CDC42BPA: variants seen among roughly 807,000 people sequenced by gnomAD.
CDC42BPA encodes serine/threonine-protein kinase MRCK alpha.
A neutral mutation model predicts 223.5 loss-of-function variants in CDC42BPA; 80 were observed. The observed-to-expected ratio is 0.36, with a 90% CI of 0.30 to 0.43. The LOEUF (loss-of-function observed/expected upper bound fraction) is 0.43, where lower values mean the gene tolerates loss of function less well. Ranked by LOEUF, CDC42BPA falls within the 20% of genes least tolerant of loss-of-function variation. CDC42BPA has a pLI of 1.00. For missense variants in CDC42BPA, 1,743 were observed against 2,099.9 expected (o/e 0.83, Z 3.32); for synonymous variants, 694 against 718.6 (o/e 0.97, Z 0.55).
rs181303072 is a variant in CDC42BPA, at chr1:227,241,091, T to C, written c.270+12973A>G. ...CAAAGGAAGATATAAAAATGGTTAA[T>C]AGGCACACAAAAACCCCATGATTAT... On this transcript the variant is annotated intron_variant, in intron 2 of 36. Transcript: ENST00000366766. Among the ~76,000 whole-genome samples, 6 of 152,124 alleles carry C rather than the reference T, an allele frequency of 3.9e-5. No individual in the cohort carries two copies. The East Asian group carries it at 9.6e-4, about 24-fold the overall frequency.
intron 7 of CDC42BPA, among the ~76,000 whole-genome samples, chr1:227,146,107 A>G (rs1442236632): frequency 1.3e-5 from 2 of 152,168 alleles, no homozygotes; most frequent in African/African-American, 4.8e-5. Flanking sequence ...ATTAACTAAT[A>G]ATAAATATTT....
chr1:227,124,591 AG>A (rs754962355), intron 11 of CDC42BPA, among the ~76,000 whole-genome samples: 1 of 152,178 alleles, frequency 6.6e-6, no homozygotes, highest in Non-Finnish European at 1.5e-5. Context: ...AAGAAAGGGT[AG>A]GAAAAAAACA....
chr1:227,200,545 G>C (rs2150228111), intron 3 of CDC42BPA, among the ~76,000 whole-genome samples: 1 of 144,884 alleles, frequency 6.9e-6, no homozygotes, highest in Non-Finnish European at 1.5e-5. Flanking sequence ...TTTTTCTCAA[G>C]AATGACTGTT....
intron 5 of CDC42BPA, among the ~76,000 whole-genome samples, chr1:227,164,758 T>A (rs1186685749): frequency 6.6e-6 from 1 of 152,218 alleles, no homozygotes; most frequent in African/African-American, 2.4e-5. Flanking sequence ...AAATTCAGAC[T>A]CTGGAAACCA....
chr1:227,064,652 C>T (rs185417422), intron 21 of CDC42BPA, among the ~76,000 whole-genome samples: 85 of 152,072 alleles, frequency 5.6e-4, no homozygotes, highest in African/African-American at 2.0e-3. Flanking sequence ...TGGGCATGCA[C>T]GGTTGAAGGA....
At chr1:227,280,617 A>G (rs891195812) in intron 1 of CDC42BPA, among the ~76,000 whole-genome samples, 2 of 152,240 alleles carry the variant, frequency 1.3e-5, no homozygotes, top group Admixed American at 1.3e-4. Context: ...CCAAGGATAC[A>G]GATACCACAG....
chr1:227,236,277 T>C (rs957977802), intron 2 of CDC42BPA, among the ~76,000 whole-genome samples: 22 of 152,188 alleles, frequency 1.4e-4, no homozygotes, highest in Non-Finnish European at 2.4e-4. Context: ...AGAAACCAGC[T>C]TTTGCTGTTT....
At chr1:227,316,550 CT>C (rs1694428145) in intron 1 of CDC42BPA, among the ~76,000 whole-genome samples, 1 of 152,184 alleles carries the variant, frequency 6.6e-6, no homozygotes, top group African/African-American at 2.4e-5. Flanking sequence ...TGATCACCAC[CT>C]TCAGCTTTCT....
At chr1:227,301,133 A>G (rs1200044763) in intron 1 of CDC42BPA, among the ~76,000 whole-genome samples, 2 of 152,202 alleles carry the variant, frequency 1.3e-5, no homozygotes, top group African/African-American at 4.8e-5. Flanking sequence ...TTTAGGAATC[A>G]ACTAAACTCC....
intron 21 of CDC42BPA, among the ~76,000 whole-genome samples, chr1:227,056,093 C>G (rs1674495726): frequency 6.6e-6 from 1 of 152,142 alleles, no homozygotes; most frequent in South Asian, 2.1e-4. Flanking sequence ...AGATGACCCA[C>G]TTATCAAGAA....
chr1:227,279,144 G>C (rs1687613621), intron 1 of CDC42BPA, among the ~76,000 whole-genome samples: 1 of 151,846 alleles, frequency 6.6e-6, no homozygotes, highest in African/African-American at 2.4e-5. Flanking sequence ...CTTTCTTTTG[G>C]TCTTCATGGA....
intron 11 of CDC42BPA, among the ~76,000 whole-genome samples, chr1:227,121,250 C>T (rs1558542752): frequency 6.6e-6 from 1 of 152,204 alleles, no homozygotes; most frequent in South Asian, 2.1e-4. Flanking sequence ...ATCCTCAAGT[C>T]ATTCATTTGT....
At chr1:227,263,334 C>T (rs1244669581) in intron 1 of CDC42BPA, among the ~76,000 whole-genome samples, 1 of 152,056 alleles carries the variant, frequency 6.6e-6, no homozygotes, top group Non-Finnish European at 1.5e-5. Context: ...AATGGTTACA[C>T]CTGCATGGTA....
At chr1:227,183,052 T>C (rs11805298) in intron 5 of CDC42BPA, 24,442 of 152,170 alleles carry the variant, frequency 0.16, 2,474 homozygotes, top group African/African-American at 0.28. Flanking sequence ...GGCTTCTCTC[T>C]TTCCCCAGCT....
chr1:227,275,237 ATT>A (rs371932136), intron 1 of CDC42BPA, among the ~76,000 whole-genome samples: 24 of 149,658 alleles, frequency 1.6e-4, no homozygotes, highest in East Asian at 2.0e-4. Context: ...AAAAATAAAA[ATT>A]AGAAAGCAGA....
chr1:227,109,085 T>C (rs1437819946), intron 14 of CDC42BPA, among the ~76,000 whole-genome samples: 4 of 152,150 alleles, frequency 2.6e-5, no homozygotes, highest in Non-Finnish European at 5.9e-5. Context: ...TAAAAAATGG[T>C]ATGTCATATA....
chr1:227,306,666 T>C (rs1167770468), intron 1 of CDC42BPA, among the ~76,000 whole-genome samples: 1 of 152,240 alleles, frequency 6.6e-6, no homozygotes. Context: ...ATATCATATG[T>C]CAGCTTCACT....
chr1:227,100,771 TGTGTGTGC>T lies in CDC42BPA; in HGVS notation c.2249+213_2249+220del, dbSNP rs1439155655. On this transcript the variant is annotated intron_variant, in intron 15 of 36. Transcript: ENST00000366766. ...TAGTGTGTGTGTGTGTGTGTGTGTG[TGTGTGTGC>T]GTGTGCCATCATACCCAGCTAGAAG... 4.8e-4 allele frequency among the ~76,000 whole-genome samples: 63 copies of T among 130,864 alleles called. No individual in the cohort carries two copies. The East Asian group carries it at 6.9e-3, about 14-fold the overall frequency. The allele number at this position is 130,864 out of a possible 152,430, so 85.9% of individuals were successfully genotyped here. A position where few individuals can be genotyped will look rare whatever the true frequency, so the allele number is the denominator to read the frequency against.
chr1:227,278,539 T>G (rs1450973211), intron 1 of CDC42BPA, among the ~76,000 whole-genome samples: 1 of 152,194 alleles, frequency 6.6e-6, no homozygotes, highest in African/African-American at 2.4e-5. Flanking sequence ...TCCCTTTTGT[T>G]TCTTGCATGG....
Sources: allele counts gnomAD v4.1 joint callset (sites outside exome capture counted in the v4.1 genomes callset), GRCh38; gene constraint gnomAD v4.1.1; transcripts MANE v1.5; gene names NCBI Gene and HGNC (gene_info 2026-07-23, HGNC 2026-07-21).